PDZD2: variants seen among roughly 807,000 people sequenced by gnomAD.
PDZD2 encodes the protein PDZ domain-containing protein 2.
PDZD2 carries 90 observed loss-of-function variants against 220.7 expected under a neutral mutation model. The ratio of observed to expected loss-of-function variants is 0.41; its 90% CI spans 0.34 to 0.49. The LOEUF (loss-of-function observed/expected upper bound fraction) is 0.49. Ranked by LOEUF, PDZD2 falls within the 20% of genes least tolerant of loss-of-function variation. The probability of loss-of-function intolerance (pLI) is 0.28; values close to 1 mark genes in which losing one functional copy is unlikely to be tolerated. For missense variants in PDZD2, 3,174 were observed against 3,608.5 expected (o/e 0.88, Z 3.08); for synonymous variants, 1,375 against 1,450.5 (o/e 0.95, Z 1.18).
intron 2 of PDZD2, among the ~76,000 whole-genome samples, chr5:31,903,594 A>C (rs1267358915): frequency 6.7e-6 from 1 of 149,650 alleles, no homozygotes; most frequent in Non-Finnish European, 1.5e-5. Context: ...CAGTGAGCCA[A>C]GATCACGCCA....
intron 7 of PDZD2, among the ~76,000 whole-genome samples, chr5:32,039,949 C>A (rs62361265): frequency 2.9e-5 from 4 of 138,350 alleles, no homozygotes; most frequent in African/African-American, 8.4e-5. Flanking sequence ...CCCAGCTGCC[C>A]GAATGGGAAG....
At chr5:31,930,328 C>T (rs111948385) in intron 2 of PDZD2, among the ~76,000 whole-genome samples, 1 of 151,412 alleles carries the variant, frequency 6.6e-6, no homozygotes, top group Non-Finnish European at 1.5e-5. Context: ...GCCTCAGTCT[C>T]CCAAGTAGCT....
chr5:32,060,996 C>T lies in PDZD2; in HGVS notation c.2319-6C>T, dbSNP rs923696815. 8.7e-6 allele frequency: 14 copies of T among 1,614,006 alleles called. No individual in the cohort carries two copies. Among genetic ancestry groups the T allele is most frequent in the Non-Finnish European group, 1.2e-5 (14 of 1,179,982 alleles). ...CACAGAGTGTGGATTCTGTTGCCCT[C>T]CCTAGCCGCGGGGATCAAATCCTGG... is the stretch of plus-strand genomic sequence containing the variant. On this transcript the variant is annotated splice_polypyrimidine_tract_variant and splice_region_variant and intron_variant, in intron 13 of 24. Coordinates refer to ENST00000438447, the MANE Select transcript of PDZD2 (RefSeq NM_178140.4).
chr5:32,042,321 G>A (rs1000170392), intron 7 of PDZD2, among the ~76,000 whole-genome samples: 2 of 151,772 alleles, frequency 1.3e-5, no homozygotes, highest in African/African-American at 4.8e-5. Context: ...CAGCACTTTG[G>A]GAGGCCGAGG....
chr5:31,734,426 T>A (rs1260985769), intron 1 of PDZD2, among the ~76,000 whole-genome samples: 1 of 152,118 alleles, frequency 6.6e-6, no homozygotes, highest in Non-Finnish European at 1.5e-5. Flanking sequence ...TTCAAGCGAT[T>A]CTCCTGCCTC....
chr5:31,728,800 T>G (rs1406008683), intron 1 of PDZD2, among the ~76,000 whole-genome samples: 1 of 152,234 alleles, frequency 6.6e-6, no homozygotes, highest in Non-Finnish European at 1.5e-5. Context: ...TAATTTCTAT[T>G]CCATGTGGTA....
chr5:31,817,973 T>TTTTC (rs1755576934), intron 2 of PDZD2, among the ~76,000 whole-genome samples: 1 of 148,084 alleles, frequency 6.8e-6, no homozygotes, highest in African/African-American at 2.5e-5. Context: ...CAATTTTTTT[T>TTTTC]TTTTTTTTTT....
chr5:31,655,550 T>G (rs1745515921), intron 1 of PDZD2, among the ~76,000 whole-genome samples: 2 of 51,324 alleles, frequency 3.9e-5, no homozygotes, highest in African/African-American at 6.6e-5. Context: ...GTAAAATCTA[T>G]GAGGGTATTT....
intron 14 of PDZD2, among the ~76,000 whole-genome samples, chr5:32,063,668 A>G (rs1739908895): frequency 6.6e-6 from 1 of 152,262 alleles, no homozygotes; most frequent in Non-Finnish European, 1.5e-5. Flanking sequence ...GGTGCCAGGC[A>G]GTGCCAACAT....
chr5:31,732,099 C>A (rs1197920948), intron 1 of PDZD2, among the ~76,000 whole-genome samples: 4 of 152,180 alleles, frequency 2.6e-5, no homozygotes, highest in Non-Finnish European at 5.9e-5. Context: ...CCTCTACATG[C>A]GTAATTCTGG....
intron 2 of PDZD2, among the ~76,000 whole-genome samples, chr5:31,899,119 G>C (rs969146801): frequency 6.6e-6 from 1 of 150,750 alleles, no homozygotes; most frequent in East Asian, 2.0e-4. Flanking sequence ...GAACCACCGC[G>C]CCTGGCCTCT....
At chr5:31,893,176 A>G (rs1741210391) in intron 2 of PDZD2, among the ~76,000 whole-genome samples, 1 of 152,192 alleles carries the variant, frequency 6.6e-6, no homozygotes, top group Admixed American at 6.5e-5. Context: ...AGGCCTTGGC[A>G]GAATCACATC....
intron 2 of PDZD2, among the ~76,000 whole-genome samples, chr5:31,817,185 C>CAAAA (rs33979989): frequency 4.2e-5 from 4 of 95,698 alleles, no homozygotes; most frequent in African/African-American, 4.2e-5. Flanking sequence ...GACTCCGTCT[C>CAAAA]AAAAAAAAAA....
chr5:32,033,337 T>C (rs1261554850), intron 6 of PDZD2, among the ~76,000 whole-genome samples: 1 of 152,226 alleles, frequency 6.6e-6, no homozygotes, highest in Non-Finnish European at 1.5e-5. Flanking sequence ...CTTCCTGACA[T>C]AATCTGGAAT....
chr5:31,879,497 G>GT (rs1377016184), intron 2 of PDZD2, among the ~76,000 whole-genome samples: 3 of 151,566 alleles, frequency 2.0e-5, no homozygotes, highest in Non-Finnish European at 4.4e-5. Flanking sequence ...GAGAGTAACT[G>GT]TAAGTTATTC....
intron 2 of PDZD2, among the ~76,000 whole-genome samples, chr5:31,952,546 A>G (rs1747272627): frequency 1.3e-5 from 2 of 152,236 alleles, no homozygotes; most frequent in African/African-American, 4.8e-5. Context: ...AGTAAAGAAC[A>G]GTAGCTCAGA....
chr5:32,030,472 C>T (rs1266327831), intron 6 of PDZD2, among the ~76,000 whole-genome samples: 1 of 152,202 alleles, frequency 6.6e-6, no homozygotes, highest in Non-Finnish European at 1.5e-5. Context: ...TGATTCATAT[C>T]CTTCCCCTTT....
At chr5:31,800,424 G>A (rs1050989514) in intron 2 of PDZD2, among the ~76,000 whole-genome samples, 1 of 152,152 alleles carries the variant, frequency 6.6e-6, no homozygotes, top group Non-Finnish European at 1.5e-5. Flanking sequence ...TTTCTTGGGG[G>A]TGGGTCATGT....
At chr5:32,003,428 C>CACACACCCTACACACTCCCCCCA (rs1752537165) in intron 5 of PDZD2, among the ~76,000 whole-genome samples, 1 of 80,998 alleles carries the variant, frequency 1.2e-5, no homozygotes, top group Non-Finnish European at 2.8e-5. Flanking sequence ...ACACCCCCCC[C>CACACACCCTACACACTCCCCCCA]ACACACACCC....
Sources: allele counts gnomAD v4.1 joint callset (sites outside exome capture counted in the v4.1 genomes callset), GRCh38; gene constraint gnomAD v4.1.1; transcripts MANE v1.5; gene names NCBI Gene and HGNC (gene_info 2026-07-23, HGNC 2026-07-21).